GPAT4: variants seen among roughly 807,000 people sequenced by gnomAD.
GPAT4 encodes glycerol-3-phosphate acyltransferase 4, also known as 1-AGP acyltransferase 6.
GPAT4 carries 17 observed loss-of-function variants against 58.0 expected under a neutral mutation model. The observed-to-expected ratio is 0.29, with a 90% CI of 0.20 to 0.44. GPAT4 has a LOEUF of 0.44. GPAT4 is among the 20% of genes least tolerant of loss of function. The pLI is 1.00. For missense variants in GPAT4, 377 were observed against 574.5 expected, an observed-to-expected ratio of 0.66 and a Z score of 3.51; for synonymous variants, 204 against 210.1, an observed-to-expected ratio of 0.97 and a Z score of 0.25.
chr8:41,583,655 A>G (rs191242301), intron 1 of GPAT4, among the ~76,000 whole-genome samples: 1 of 152,320 alleles, frequency 6.6e-6, no homozygotes, highest in Non-Finnish European at 1.5e-5. Flanking sequence ...AAGTGCTCCA[A>G]GGTCACACGT....
At position 41,599,212 on chromosome 8, in the gene GPAT4, C is replaced by G; in HGVS notation, c.73C>G (p.Leu25Val). 1 of 1,614,098 alleles carries G rather than the reference C, an allele frequency of 6.2e-7. No individual in the cohort carries two copies. Among genetic ancestry groups the G allele is most frequent in the South Asian group, 1.1e-5 (1 of 91,078 alleles). Residue 25 changes from leucine to valine, a missense_variant, in exon 2 of 13, where the codon CTC becomes GTC. Transcript: ENST00000396987. ...LGISLTVLFT[L>V]LLVFIIVPAI... ...CATCTCCCTGACTGTCCTCTTCACC[C>G]TCCTTCTCGTTTTCATCATAGTGCC...
rs1803783139 is a variant in GPAT4 at position 41,622,473 on chromosome 8, C to T, written c.*1472C>T. On this transcript the variant is annotated 3_prime_UTR_variant, in exon 13 of 13. Transcript: ENST00000396987. ...CTGGGGTTTCACCAGTTTCATGCTC[C>T]TCAGCTCCCCATTCATGCCCCACCA... The T allele has an allele frequency of 6.6e-6, 1 of 152,424 alleles. No homozygotes were observed. Among genetic ancestry groups the T allele is most frequent in the Admixed American group, 6.5e-5 (1 of 15,286 alleles). 9.4% of individuals were successfully genotyped at this position (152,424 alleles called of 1,614,324 possible). A position where few individuals can be genotyped will look rare whatever the true frequency, so the allele number is the denominator to read the frequency against.
chr8:41,609,478 C>T lies in GPAT4; in HGVS notation c.228C>T (p.Tyr76=). 6.2e-7 allele frequency: 1 copy of T among 1,614,156 alleles called. No individual in the cohort carries two copies. Among genetic ancestry groups the T allele is most frequent in the Non-Finnish European group, 8.5e-7 (1 of 1,180,000 alleles). Residue 76 remains tyrosine, a synonymous_variant, in exon 3 of 13, where the codon TAC becomes TAT. Transcript: ENST00000396987. ...AGAACCACCAGCTTTACAAGCCCTACACCAACGGTAAGATGGGGGTGTGAT... is the reference window on the plus strand; with the variant it reads ...AGAACCACCAGCTTTACAAGCCCTATACCAACGGTAAGATGGGGGTGTGAT... ...KEKNHQLYKP[Y]TNGIIAKDPT...
At chr8:41,596,929 A>G (rs1222302491) in intron 1 of GPAT4, among the ~76,000 whole-genome samples, 3 of 152,180 alleles carry the variant, frequency 2.0e-5, no homozygotes, top group Non-Finnish European at 4.4e-5. Context: ...GGGGGTCCGC[A>G]TGAGAGGGTC....
At chr8:41,602,012 T>C (rs2150494619) in intron 2 of GPAT4, among the ~76,000 whole-genome samples, 1 of 152,304 alleles carries the variant, frequency 6.6e-6, no homozygotes, top group South Asian at 2.1e-4. Context: ...TGGAGTGCAG[T>C]GGCATGATCT....
In GPAT4 at chr8:41,623,602, T is replaced by G. The variant is rs1803823271; in HGVS notation, c.*2601T>G. 6.6e-6 allele frequency: 1 copy of G among 152,240 alleles called. No individual in the cohort carries two copies. Among genetic ancestry groups the G allele is most frequent in the Non-Finnish European group, 1.5e-5 (1 of 68,054 alleles). The allele number at this position is 152,240 out of a possible 1,614,324, so 9.4% of individuals were successfully genotyped here. On this transcript the variant is annotated 3_prime_UTR_variant, in exon 13 of 13. Coordinates refer to ENST00000396987, the MANE Select transcript of GPAT4 (RefSeq NM_178819.4). ...GTTTTTAAGCCCATAGTTCAAACTT[T>G]GGCTTTGATCTCTGAAGTCTTCTGG...
In GPAT4 at chr8:41,605,294, G is replaced by C. The variant is rs139252538; in HGVS notation, c.166-4122G>C. Among the ~76,000 whole-genome samples, 5 of 152,320 alleles carry C rather than the reference G, an allele frequency of 3.3e-5. No individual in the cohort carries two copies. In the East Asian group the frequency reaches 9.6e-4, roughly 29 times the overall value. On this transcript the variant is annotated intron_variant, in intron 2 of 12. Coordinates refer to ENST00000396987, the MANE Select transcript of GPAT4 (RefSeq NM_178819.4). ...TCAGAATGAATTAGTTGAAATACCA[G>C]TTGAAATACACAGGCAGAGGTGAAT...
chr8:41,602,573 G>C (rs942869937), intron 2 of GPAT4, among the ~76,000 whole-genome samples: 1 of 152,186 alleles, frequency 6.6e-6, no homozygotes, highest in African/African-American at 2.4e-5. Flanking sequence ...GGAACTGAAT[G>C]CTGCCTTCTC....
At chr8:41,615,306 G>T (rs879291825) in intron 10 of GPAT4, among the ~76,000 whole-genome samples, 2 of 152,210 alleles carry the variant, frequency 1.3e-5, no homozygotes, top group Non-Finnish European at 2.9e-5. Context: ...GCCACCATTC[G>T]GGAAATGGCA....
chr8:41,593,353 C>A (rs1802844038), intron 1 of GPAT4, among the ~76,000 whole-genome samples: 1 of 152,178 alleles, frequency 6.6e-6, no homozygotes. Context: ...AGTTCCAGCA[C>A]ATTTATAATA....
At chr8:41,601,811 C>T (rs1032599849) in intron 2 of GPAT4, among the ~76,000 whole-genome samples, 21 of 152,142 alleles carry the variant, frequency 1.4e-4, no homozygotes, top group Non-Finnish European at 3.1e-4. Flanking sequence ...AATGTACATC[C>T]CTATGACTTT....
chr8:41,583,657 G>T (rs1287701687), intron 1 of GPAT4, among the ~76,000 whole-genome samples: 1 of 152,090 alleles, frequency 6.6e-6, no homozygotes, highest in East Asian at 1.9e-4. Flanking sequence ...GTGCTCCAAG[G>T]TCACACGTGG....
chr8:41,609,232 C>T lies in GPAT4; in HGVS notation c.166-184C>T, dbSNP rs1369892180. ...GCTATAGGTGACTTAACTCTTGGTC[C>T]CAGTTGTCAAGGAAGGGGCTGCTCT... On this transcript the variant is annotated intron_variant, in intron 2 of 12. Coordinates refer to ENST00000396987, the MANE Select transcript of GPAT4 (RefSeq NM_178819.4). 5.9e-5 allele frequency among the ~76,000 whole-genome samples: 9 copies of T among 152,168 alleles called. 1 individual carries two copies. The highest frequency in any genetic ancestry group is 5.2e-4 in the Admixed American group (8 of 15,276).
Position 41,581,993 on chromosome 8 carries a change from ATTTTTTTTTTTTT to A in GPAT4, c.-849+3735_-849+3747del, listed in dbSNP as rs71230849. On this transcript the variant is annotated intron_variant, in intron 1 of 12. Coordinates refer to ENST00000396987, the MANE Select transcript of GPAT4 (RefSeq NM_178819.4). ...AGCTTAAATCAAGGGAAGTTCAATG[ATTTTTTTTTTTTT>A]TTTTTTTTTTTTTTTTTTTGGAGAC... Among the ~76,000 whole-genome samples the A allele has an allele frequency of 8.1e-3, 516 of 63,596 alleles. 1 individual carries two copies. Among genetic ancestry groups the A allele is most frequent in the South Asian group, 0.036 (49 of 1,376 alleles). The allele number at this position is 63,596 out of a possible 152,430, so 41.7% of individuals were successfully genotyped here.
chr8:41,579,911 A>G (rs541055304), intron 1 of GPAT4, among the ~76,000 whole-genome samples: 1 of 152,122 alleles, frequency 6.6e-6, no homozygotes, highest in South Asian at 2.1e-4. Flanking sequence ...CAATGTTTTC[A>G]TTTTTTTCTG....
At position 41,621,189 on chromosome 8, in the gene GPAT4, G is replaced by C. The variant is rs534471756; in HGVS notation, c.*188G>C. On this transcript the variant is annotated 3_prime_UTR_variant, in exon 13 of 13. Transcript: ENST00000396987. Reference sequence around the variant, plus strand: ...TGTGCACCCGGCGCAGCCTACCCTTGGTGGTCTAAACGGATGCTGCTGGGT... The same window carrying C: ...TGTGCACCCGGCGCAGCCTACCCTTCGTGGTCTAAACGGATGCTGCTGGGT... The C allele has an allele frequency of 3.7e-6, 3 of 800,686 alleles. No homozygotes were observed. In the African/African-American group the frequency reaches 5.2e-5, roughly 14 times the overall value. 49.6% of individuals were successfully genotyped at this position (800,686 alleles called of 1,614,324 possible). A position where few individuals can be genotyped will look rare whatever the true frequency, so the allele number is the denominator to read the frequency against.
chr8:41,608,667 A>C (rs929671581), intron 2 of GPAT4, among the ~76,000 whole-genome samples: 1 of 152,232 alleles, frequency 6.6e-6, no homozygotes, highest in East Asian at 1.9e-4. Context: ...TGTCCCATAC[A>C]TGATTTCATT....
Position 41,598,962 on chromosome 8 carries a change from G to A in GPAT4, c.-178G>A. ...TTGCCTCCTGTGGCCGTGTTTTTCT[G>A]TCATTCTGTTCCCAGGCCTTCTATT... is the stretch of plus-strand genomic sequence containing the variant. On this transcript the variant is annotated 5_prime_UTR_variant, in exon 2 of 13. Coordinates refer to ENST00000396987, the MANE Select transcript of GPAT4 (RefSeq NM_178819.4). The A allele has an allele frequency of 1.3e-6, 1 of 787,446 alleles. No individual in the cohort carries two copies. Among genetic ancestry groups the A allele is most frequent in the South Asian group, 2.0e-5 (1 of 48,880 alleles). The allele number at this position is 787,446 out of a possible 1,614,324, so 48.8% of individuals were successfully genotyped here. A position where few individuals can be genotyped will look rare whatever the true frequency, so the allele number is the denominator to read the frequency against.
chr8:41,587,924 T>G (rs1802697938), intron 1 of GPAT4, among the ~76,000 whole-genome samples: 1 of 152,218 alleles, frequency 6.6e-6, no homozygotes, highest in Non-Finnish European at 1.5e-5. Context: ...ACCAGTGCAG[T>G]GGTTTATCAG....
Sources: allele counts gnomAD v4.1 joint callset (sites outside exome capture counted in the v4.1 genomes callset), GRCh38; gene constraint gnomAD v4.1.1; transcripts MANE v1.5; gene names NCBI Gene and HGNC (gene_info 2026-07-23, HGNC 2026-07-21).